The following MLLT1 variants were observed in gnomAD, a reference collection of about 807,000 sequenced individuals.
MLLT1 encodes MLLT1 super elongation complex subunit, also known as protein ENL.
A neutral mutation model predicts 55.1 loss-of-function variants in MLLT1; 11 were observed. The ratio of observed to expected loss-of-function variants is 0.20; its 90% CI spans 0.13 to 0.33. The LOEUF (loss-of-function observed/expected upper bound fraction) is 0.33, where lower values mean the gene tolerates loss of function less well. Among genes scored for constraint, MLLT1 ranks in the 10% least tolerant of loss-of-function variants. MLLT1 has a pLI of 1.00. For synonymous variants in MLLT1, 323 were observed against 320.1 expected (o/e 1.01, Z -0.10); for missense variants, 536 against 760.6 (o/e 0.70, Z 3.47).
intron 3 of MLLT1, among the ~76,000 whole-genome samples, chr19:6,254,131 T>TGG (rs2091240153): frequency 6.6e-6 from 1 of 152,178 alleles, no homozygotes; most frequent in Admixed American, 6.5e-5. Context: ...CCCCACCCCC[T>TGG]GACCTCTTAG....
At chr19:6,266,107 C>T (rs760179413) in intron 2 of MLLT1, among the ~76,000 whole-genome samples, 4 of 151,382 alleles carry the variant, frequency 2.6e-5, no homozygotes, top group Non-Finnish European at 5.9e-5. Context: ...GGTGAAATCC[C>T]GTCTCTGCAA....
intron 3 of MLLT1, among the ~76,000 whole-genome samples, chr19:6,246,914 A>G (rs749585910): frequency 3.3e-5 from 5 of 152,222 alleles, no homozygotes; most frequent in Non-Finnish European, 5.9e-5. Context: ...TACTTGACAG[A>G]AAGAGCTGCA....
chr19:6,276,495 C>A (rs1480520416), intron 1 of MLLT1, among the ~76,000 whole-genome samples: 1 of 152,124 alleles, frequency 6.6e-6, no homozygotes, highest in South Asian at 2.1e-4. Context: ...AGCAGCAATT[C>A]GAGCGTGGGG....
In MLLT1 at chr19:6,211,130, T is replaced by A. The variant is rs1295129020; in HGVS notation, c.*1912A>T. On this transcript the variant is annotated 3_prime_UTR_variant, in exon 12 of 12. Transcript: ENST00000252674. This position sits in a 1 kb window ranked among gnomAD's most constrained non-coding sequence, Gnocchi z 4.6. ...TGTCCGTGACCCCGGCGGCCTCTTG[T>A]GCGTAGAGCTCCCAGCAGCACGGGC... 1 of 232,512 alleles carries A rather than the reference T, an allele frequency of 4.3e-6. No individual in the cohort carries two copies. Among genetic ancestry groups the A allele is most frequent in the African/African-American group, 2.2e-5 (1 of 45,314 alleles). 14.4% of individuals were successfully genotyped at this position (232,512 alleles called of 1,614,324 possible).
chr19:6,215,238 C>A (rs1054557252), intron 8 of MLLT1, among the ~76,000 whole-genome samples: 2 of 152,236 alleles, frequency 1.3e-5, no homozygotes, highest in African/African-American at 4.8e-5. Flanking sequence ...AATCAAAAGG[C>A]GCTTCGCGTG....
chr19:6,268,035 G>A (rs1383257257), intron 2 of MLLT1, among the ~76,000 whole-genome samples: 2 of 152,194 alleles, frequency 1.3e-5, no homozygotes, highest in African/African-American at 4.8e-5. Context: ...GGATGGACAA[G>A]ATGAAGAAGT....
chr19:6,259,121 G>A (rs977962275), intron 3 of MLLT1: 3 of 152,116 alleles, frequency 2.0e-5, no homozygotes, highest in East Asian at 3.9e-4. Context: ...TCCAAACTGC[G>A]GTCTCCGCAG....
At chr19:6,225,485 G>C (rs569944938) in intron 5 of MLLT1, among the ~76,000 whole-genome samples, 1 of 152,200 alleles carries the variant, frequency 6.6e-6, no homozygotes, top group South Asian at 2.1e-4. Context: ...CTCCATGGTG[G>C]GGCCGACAGC....
At chr19:6,241,002 G>T (rs1224384208) in intron 3 of MLLT1, among the ~76,000 whole-genome samples, 1 of 152,188 alleles carries the variant, frequency 6.6e-6, no homozygotes, top group Non-Finnish European at 1.5e-5. Context: ...AAAGCAGCCA[G>T]CAACGTAAAC....
chr19:6,260,553 C>T (rs1219642990), intron 3 of MLLT1, among the ~76,000 whole-genome samples: 4 of 152,270 alleles, frequency 2.6e-5, no homozygotes, highest in Admixed American at 6.5e-5. Flanking sequence ...TCCGAATCCA[C>T]GGGCAGCCCA....
chr19:6,232,885 G>A (rs1322132990), intron 3 of MLLT1, among the ~76,000 whole-genome samples: 4 of 152,228 alleles, frequency 2.6e-5, no homozygotes, highest in African/African-American at 9.6e-5. Context: ...TTAAAATGCA[G>A]TCCACCGGGA....
rs1177035274 is a variant in MLLT1, at chr19:6,227,907, G to A, written c.421-805C>T. Among the ~76,000 whole-genome samples, 4 of 152,116 alleles carry A rather than the reference G, an allele frequency of 2.6e-5. No individual in the cohort carries two copies. ...AAGCCTCCCAGATGGCCGCAAGAGAGAACAAAAGAAGAAAATACACTTCAA... is the reference window on the plus strand; with the variant it reads ...AAGCCTCCCAGATGGCCGCAAGAGAAAACAAAAGAAGAAAATACACTTCAA... On this transcript the variant is annotated intron_variant, in intron 4 of 11. Transcript: ENST00000252674. This position sits in a 1 kb window ranked among gnomAD's most constrained non-coding sequence, Gnocchi z 5.1.
chr19:6,223,254 G>C (rs2090921509), intron 5 of MLLT1, among the ~76,000 whole-genome samples: 1 of 152,210 alleles, frequency 6.6e-6, no homozygotes, highest in South Asian at 2.1e-4. Context: ...CCTGGCTTCG[G>C]GAAGCCAACT....
At chr19:6,236,659 G>C (rs567254314) in intron 3 of MLLT1, among the ~76,000 whole-genome samples, 1 of 152,150 alleles carries the variant, frequency 6.6e-6, no homozygotes, top group Admixed American at 6.5e-5. Flanking sequence ...ATGACTAAAC[G>C]GCATGCCCTC....
chr19:6,269,170 C>T (rs541892857), intron 2 of MLLT1, among the ~76,000 whole-genome samples: 17 of 152,340 alleles, frequency 1.1e-4, no homozygotes, highest in Admixed American at 7.2e-4. Flanking sequence ...CGGGCATGGC[C>T]GTGCACCAAT....
rs148590198 is a variant in MLLT1 at position 6,237,268 on chromosome 19, C to T, written c.277-6555G>A. Reference sequence around the variant, plus strand: ...GAGAGGCCACACTCCCTCTGCCCCACACCCCACCTGGAGGACACCCAGCCT... The same window carrying T: ...GAGAGGCCACACTCCCTCTGCCCCATACCCCACCTGGAGGACACCCAGCCT... On this transcript the variant is annotated intron_variant, in intron 3 of 11. Coordinates refer to ENST00000252674, the MANE Select transcript of MLLT1 (RefSeq NM_005934.4). Among the ~76,000 whole-genome samples, 480 of 152,330 alleles carry T rather than the reference C, an allele frequency of 3.2e-3. 1 individual carries two copies. The highest frequency in any genetic ancestry group is 5.9e-3 in the Non-Finnish European group (404 of 68,012).
In MLLT1 at chr19:6,213,856, C is replaced by T. The variant is rs1027438742; in HGVS notation, c.1408-59G>A. 5 of 1,585,102 alleles carry T rather than the reference C, an allele frequency of 3.2e-6. No individual in the cohort carries two copies. In the African/African-American group the frequency reaches 5.4e-5, roughly 17 times the overall value. ...CCCACACCCTCCCCAGCCCCGAAGG[C>T]CCCACAAACCCTCCTAGGACAGCCC... is the stretch of plus-strand genomic sequence containing the variant. On this transcript the variant is annotated intron_variant, in intron 9 of 11. Coordinates refer to ENST00000252674, the MANE Select transcript of MLLT1 (RefSeq NM_005934.4).
intron 8 of MLLT1, 23 bp downstream of exon 8, chr19:6,216,382 C>T (rs2144847447): frequency 1.3e-6 from 2 of 1,568,048 alleles, no homozygotes; most frequent in Non-Finnish European, 1.7e-6. Context: ...GCCTCCGCCC[C>T]CTGGCTCCCA....
intron 3 of MLLT1, among the ~76,000 whole-genome samples, chr19:6,239,683 AAC>A (rs1051327989): frequency 1.3e-4 from 19 of 151,940 alleles, no homozygotes; most frequent in East Asian, 5.8e-4. Context: ...CCTGTGTACA[AAC>A]ACACACACAA....
Sources: allele counts gnomAD v4.1 joint callset (sites outside exome capture counted in the v4.1 genomes callset), GRCh38; gene constraint gnomAD v4.1.1; non-coding constraint Gnocchi (gnomAD v3.1); transcripts MANE v1.5; gene names NCBI Gene and HGNC (gene_info 2026-07-23, HGNC 2026-07-21).